The following TXNDC8 variants were observed in gnomAD, a reference collection of about 807,000 sequenced individuals.
The protein encoded by TXNDC8 is thioredoxin domain containing 8, also known as thioredoxin domain-containing protein 8.
Under a neutral mutation model 12.9 loss-of-function variants are expected in TXNDC8, and 15 were observed. That is an observed-to-expected ratio of 1.16 (90% CI 0.78 to 1.79). TXNDC8 has a LOEUF of 1.79. Among genes scored for constraint, TXNDC8 ranks in the 40% most tolerant of loss-of-function variants. The probability of loss-of-function intolerance (pLI) is 0.00; values close to 1 mark genes in which losing one functional copy is unlikely to be tolerated. For synonymous variants in TXNDC8, 40 were observed against 35.4 expected, an observed-to-expected ratio of 1.13 and a Z score of -0.46; for missense variants, 128 against 113.2, an observed-to-expected ratio of 1.13 and a Z score of -0.59.
intron 3 of TXNDC8, among the ~76,000 whole-genome samples, chr9:110,315,237 A>G (rs905916159): frequency 1.3e-5 from 2 of 152,018 alleles, no homozygotes; most frequent in Admixed American, 1.3e-4. Context: ...AGCTGGGATT[A>G]CAAGCACCCG....
chr9:110,326,265 A>G (rs776984346), intron 2 of TXNDC8, 25 bp from the exon 4 acceptor site: 48 of 1,613,148 alleles, frequency 3.0e-5, no homozygotes, highest in Non-Finnish European at 4.0e-5. Context: ...AAATGGCATG[A>G]AGTTACAGTA....
intron 3 of TXNDC8, among the ~76,000 whole-genome samples, chr9:110,306,489 A>C (rs1838471338): frequency 6.6e-6 from 1 of 152,014 alleles, no homozygotes; most frequent in Admixed American, 6.6e-5. Context: ...TCACCATACA[A>C]TCCAAGCTTC....
At chr9:110,312,620 AT>A (rs947921203) in intron 3 of TXNDC8, among the ~76,000 whole-genome samples, 40 of 152,336 alleles carry the variant, frequency 2.6e-4, no homozygotes, top group African/African-American at 8.9e-4. Context: ...CTTATCTGAG[AT>A]TCTTTCTATG....
At chr9:110,317,897 T>A (rs1000773536) in intron 3 of TXNDC8, among the ~76,000 whole-genome samples, 1 of 152,234 alleles carries the variant, frequency 6.6e-6, no homozygotes, top group Non-Finnish European at 1.5e-5. Flanking sequence ...GCCCTCCAAG[T>A]GTTCCTTGTG....
intron 4 of TXNDC8, 176 bp from the exon 6 acceptor site, chr9:110,303,759 T>G (rs763068548): frequency 6.8e-6 from 10 of 1,467,688 alleles, no homozygotes; most frequent in Non-Finnish European, 9.2e-6. Context: ...TATTTTCATA[T>G]TTGGCATCCT....
intron 3 of TXNDC8, among the ~76,000 whole-genome samples, chr9:110,314,106 T>A (rs1838789299): frequency 6.6e-6 from 1 of 152,202 alleles, no homozygotes; most frequent in Admixed American, 6.5e-5. Context: ...CTCACCCCTC[T>A]GCTCACTGAG....
intron 2 of TXNDC8, among the ~76,000 whole-genome samples, chr9:110,327,534 G>A (rs1316155349): frequency 6.6e-6 from 1 of 152,036 alleles, no homozygotes; most frequent in Non-Finnish European, 1.5e-5. Flanking sequence ...CGTTGGCCAG[G>A]CTGGTCTTGA....
At chr9:110,326,975 CGT>C (rs1564105449) in intron 2 of TXNDC8, among the ~76,000 whole-genome samples, 6 of 151,334 alleles carry the variant, frequency 4.0e-5, no homozygotes, top group Non-Finnish European at 7.4e-5. Context: ...CACACACACA[CGT>C]GAAGACATAC....
At chr9:110,337,391 T>C (rs1353700881) in intron 1 of TXNDC8, among the ~76,000 whole-genome samples, 2 of 152,210 alleles carry the variant, frequency 1.3e-5, no homozygotes, top group African/African-American at 4.8e-5. Flanking sequence ...ATCTGGGGTT[T>C]CTATTATTTT....
chr9:110,315,853 G>A (rs1389887677), intron 3 of TXNDC8, among the ~76,000 whole-genome samples: 1 of 149,696 alleles, frequency 6.7e-6, no homozygotes, highest in Non-Finnish European at 1.5e-5. Context: ...AGGGGGTTGA[G>A]GGGGCGGGGG....
Position 110,303,617 on chromosome 9 carries a change from T to C in TXNDC8, c.*65A>G, listed in dbSNP as rs1383701084. The C allele has an allele frequency of 1.9e-6, 3 of 1,572,878 alleles. No individual in the cohort carries two copies. The highest frequency in any genetic ancestry group is 1.7e-6 in the Non-Finnish European group (2 of 1,155,652). On this transcript the variant is annotated 3_prime_UTR_variant, in exon 5 of 5. Transcript: ENST00000423740. Reference sequence around the variant, plus strand: ...AAATGCACAAAGGTGAAACATTTATTGATTCAAGTGCTGCGAAAATGTTGA... The same window carrying C: ...AAATGCACAAAGGTGAAACATTTATCGATTCAAGTGCTGCGAAAATGTTGA...
intron 3 of TXNDC8, among the ~76,000 whole-genome samples, chr9:110,314,266 ATATGTTGAT>A (rs1433410116): frequency 1.3e-5 from 2 of 152,088 alleles, no homozygotes; most frequent in Non-Finnish European, 2.9e-5. Flanking sequence ...TTCATCTTAC[ATATGTTGAT>A]TGATGTCTCA....
At chr9:110,315,833 G>T (rs1368349498) in intron 3 of TXNDC8, among the ~76,000 whole-genome samples, 2 of 143,006 alleles carry the variant, frequency 1.4e-5, no homozygotes, top group East Asian at 2.2e-4. Flanking sequence ...TTTTTTTTTG[G>T]CGGCAGGGGA....
intron 2 of TXNDC8, among the ~76,000 whole-genome samples, chr9:110,331,485 T>A (rs1279358744): frequency 6.6e-6 from 1 of 152,160 alleles, no homozygotes; most frequent in Non-Finnish European, 1.5e-5. Context: ...ATTCACCCAG[T>A]CTTCTGATGA....
intron 3 of TXNDC8, among the ~76,000 whole-genome samples, chr9:110,314,094 A>G (rs907486574): frequency 2.0e-5 from 3 of 152,134 alleles, no homozygotes; most frequent in African/African-American, 7.2e-5. Context: ...ATTCTATTCA[A>G]ACTCACCCCT....
In TXNDC8 at chr9:110,320,987, C is replaced by T. The variant is rs184805522; in HGVS notation, c.195+5188G>A. ...TTCAGCCACTGCTTATATTGCATCC[C>T]TGCCAGATGTTCATTCAATCTCTGC... On this transcript the variant is annotated intron_variant, in intron 3 of 4. Transcript: ENST00000423740. Among the ~76,000 whole-genome samples the T allele has an allele frequency of 7.5e-3, 1,138 of 152,352 alleles. 9 individuals carry two copies. The highest frequency in any genetic ancestry group is 0.013 in the Non-Finnish European group (895 of 68,040).
chr9:110,302,165 T>A (rs1838283973), downstream of TXNDC8, among the ~76,000 whole-genome samples: 1 of 148,964 alleles, frequency 6.7e-6, no homozygotes. Context: ...AATTTTTGTA[T>A]TTTTTTTTTC....
intron 3 of TXNDC8, among the ~76,000 whole-genome samples, chr9:110,306,027 T>C (rs2118697560): frequency 6.6e-6 from 1 of 151,950 alleles, no homozygotes; most frequent in East Asian, 1.9e-4. Flanking sequence ...CCACCACTCC[T>C]GGTTAATTTT....
downstream of TXNDC8, among the ~76,000 whole-genome samples, chr9:110,302,211 T>C (rs1838285406): frequency 6.6e-6 from 1 of 151,520 alleles, no homozygotes; most frequent in Non-Finnish European, 1.5e-5. Context: ...ATGTTGCCCA[T>C]GCTGGTCTCA....
Sources: allele counts gnomAD v4.1 joint callset (sites outside exome capture counted in the v4.1 genomes callset), GRCh38; gene constraint gnomAD v4.1.1; transcripts MANE v1.5; gene names NCBI Gene and HGNC (gene_info 2026-07-23, HGNC 2026-07-21).